NOL11: variants seen among roughly 807,000 people sequenced by gnomAD.
NOL11 encodes the protein nucleolar protein 11.
In NOL11, 42 loss-of-function variants were observed where a neutral mutation model predicts 93.0. That is an observed-to-expected ratio of 0.45 (90% CI 0.35 to 0.58). The LOEUF (loss-of-function observed/expected upper bound fraction) is 0.58. Ranked by LOEUF, NOL11 falls within the 20% of genes least tolerant of loss-of-function variation. The pLI is 0.00. For missense variants in NOL11, 775 were observed against 841.8 expected, an observed-to-expected ratio of 0.92 and a Z score of 0.98; for synonymous variants, 296 against 293.7, an observed-to-expected ratio of 1.01 and a Z score of -0.08.
At position 67,744,415 on chromosome 17, in the gene NOL11, A is replaced by G. The variant is rs1272774637; in HGVS notation, c.*556A>G. On this transcript the variant is annotated 3_prime_UTR_variant, in exon 18 of 18. Coordinates refer to ENST00000253247, the MANE Select transcript of NOL11 (RefSeq NM_015462.5). ...GTGTGATTCTACAGCCCAGCTTTAC[A>G]GAAAGAATCCTGATGGCTGAATTTA... The G allele has an allele frequency of 6.6e-6, 1 of 152,258 alleles. No homozygotes were observed. The highest frequency in any genetic ancestry group is 1.9e-4 in the East Asian group (1 of 5,200). The allele number at this position is 152,258 out of a possible 1,614,324, so 9.4% of individuals were successfully genotyped here.
Position 67,743,498 on chromosome 17 carries a change from T to C in NOL11, c.1955T>C (p.Leu652Pro), listed in dbSNP as rs745547054. 7 of 1,556,618 alleles carry C rather than the reference T, an allele frequency of 4.5e-6. No individual in the cohort carries two copies. In the East Asian group the frequency reaches 1.6e-4, roughly 35 times the overall value. ...TLNQIMDWIC[L>P]LLDANFTVVV... ...CTTCAGATTATGGATTGGATATGTC[T>C]ACTTCTGGATGCAAATTTTACTGTT... The change falls in exon 17 of 18, where the codon CTA (leucine) becomes CCA (proline). Residue 652 changes from leucine to proline, a missense_variant. Transcript: ENST00000253247.
chr17:67,719,564 A>G (rs1298915793), intron 1 of NOL11, 110 bp from the exon 2 acceptor site: 2 of 626,452 alleles, frequency 3.2e-6, no homozygotes, highest in South Asian at 4.2e-5. Flanking sequence ...CGGCCAGTAA[A>G]TTTTTTAAAT....
At chr17:67,742,631 T>C (rs1326154667) in intron 16 of NOL11, among the ~76,000 whole-genome samples, 1 of 152,202 alleles carries the variant, frequency 6.6e-6, no homozygotes, top group Non-Finnish European at 1.5e-5. Context: ...GTTTTATTTC[T>C]TGTGTTTAAC....
chr17:67,719,883 T>A (rs201890216), intron 2 of NOL11, 23 bp from the exon 3 acceptor site: 82 of 1,548,916 alleles, frequency 5.3e-5, no homozygotes, highest in East Asian at 3.6e-4. Flanking sequence ...GGATAGTTTT[T>A]AACTAGTATG....
chr17:67,719,633 A>G, intron 1 of NOL11, 41 bp from the exon 2 acceptor site: 1 of 1,009,962 alleles, frequency 9.9e-7, no homozygotes, highest in South Asian at 1.4e-5. Flanking sequence ...TAATGTTTGA[A>G]GTTGACTTCT....
chr17:67,741,550 T>TA (rs1555594877), intron 16 of NOL11, among the ~76,000 whole-genome samples: 1 of 151,778 alleles, frequency 6.6e-6, no homozygotes, highest in African/African-American at 2.4e-5. Context: ...AGTGGTTATT[T>TA]TTTATTTATT....
At chr17:67,735,242 T>A (rs1390753570) in intron 8 of NOL11, among the ~76,000 whole-genome samples, 1 of 152,198 alleles carries the variant, frequency 6.6e-6, no homozygotes, top group Non-Finnish European at 1.5e-5. Context: ...AGTGAATGAA[T>A]ATTCATATAC....
intron 6 of NOL11, among the ~76,000 whole-genome samples, chr17:67,726,170 A>G (rs2055090178): frequency 6.6e-6 from 1 of 152,220 alleles, no homozygotes; most frequent in Non-Finnish European, 1.5e-5. Flanking sequence ...TAGGGACTAG[A>G]TGATCTATAT....
rs765078408 is a variant in NOL11 at position 67,721,366 on chromosome 17, A to G, written c.313-12A>G. ...TTTAGAATAAAAATTAAAATTTTTTATGTTCTTCCAGTTGTCAGCAGAAGT... is the reference window on the plus strand; with the variant it reads ...TTTAGAATAAAAATTAAAATTTTTTGTGTTCTTCCAGTTGTCAGCAGAAGT... On this transcript the variant is annotated splice_polypyrimidine_tract_variant and intron_variant, in intron 3 of 17. Transcript: ENST00000253247. 4.0e-6 allele frequency: 6 copies of G among 1,501,736 alleles called. No individual in the cohort carries two copies. Among genetic ancestry groups the G allele is most frequent in the Non-Finnish European group, 4.4e-6 (5 of 1,125,986 alleles). The allele number at this position is 1,501,736 out of a possible 1,614,324, so 93.0% of individuals were successfully genotyped here.
intron 12 of NOL11, 62 bp downstream of exon 12, chr17:67,737,754 T>C: frequency 6.3e-7 from 1 of 1,583,494 alleles, no homozygotes; most frequent in Non-Finnish European, 8.6e-7. Context: ...TTTTTATAGT[T>C]CTAATCTTCT....
At chr17:67,733,874 C>T (rs990514132) in intron 7 of NOL11, among the ~76,000 whole-genome samples, 4 of 151,970 alleles carry the variant, frequency 2.6e-5, no homozygotes, top group Admixed American at 1.3e-4. Context: ...TAATATTTCC[C>T]GTTGGATTTG....
In NOL11 at chr17:67,737,990, G is replaced by C. The variant is rs368675605; in HGVS notation, c.1529+18G>C. The C allele has an allele frequency of 4.1e-4, 645 of 1,589,688 alleles. 1 individual carries two copies. The highest frequency in any genetic ancestry group is 4.8e-4 in the Non-Finnish European group (560 of 1,172,380). On this transcript the variant is annotated intron_variant, in intron 13 of 17. Transcript: ENST00000253247. ...TTCTTGAGGTAAGTTAGACTCCAATGGTCCTTTTTCTTCACTACATTTATA... is the reference window on the plus strand; with the variant it reads ...TTCTTGAGGTAAGTTAGACTCCAATCGTCCTTTTTCTTCACTACATTTATA...
Position 67,736,043 on chromosome 17 carries a change from TGTTTTATTAATACAAACC to T in NOL11, c.1054+31_1054+48del. 6.3e-7 allele frequency: 1 copy of T among 1,597,986 alleles called. No homozygotes were observed. Among genetic ancestry groups the T allele is most frequent in the Non-Finnish European group, 8.5e-7 (1 of 1,173,888 alleles). On this transcript the variant is annotated intron_variant, in intron 9 of 17. Coordinates refer to ENST00000253247, the MANE Select transcript of NOL11 (RefSeq NM_015462.5). ...ATCCAGGTAGAAACTTACTTCTGTT[TGTTTTATTAATACAAACC>T]GTTTTATTAACTTGTAGTTTCGTAC... is the stretch of plus-strand genomic sequence containing the variant.
At chr17:67,739,454 G>A in intron 15 of NOL11, 62 bp from the exon 16 acceptor site, 1 of 1,001,828 alleles carries the variant, frequency 1.0e-6, no homozygotes. Context: ...TTCGTGATGG[G>A]TTTATATAAT....
intron 7 of NOL11, 184 bp downstream of exon 7, chr17:67,726,832 G>A: frequency 2.1e-6 from 1 of 472,888 alleles, no homozygotes; most frequent in Non-Finnish European, 3.7e-6. Context: ...ATTTTGCATT[G>A]ATCTTTCAAA....
chr17:67,722,693 A>T, intron 5 of NOL11, 56 bp downstream of exon 5: 1 of 1,523,556 alleles, frequency 6.6e-7, no homozygotes, highest in East Asian at 2.4e-5. Flanking sequence ...AAAAAAAAAA[A>T]ATTTATTTAG....
intron 1 of NOL11, 32 bp from the exon 2 acceptor site, chr17:67,719,642 C>T (rs1041388451): frequency 8.9e-7 from 1 of 1,117,430 alleles, no homozygotes; most frequent in Non-Finnish European, 1.3e-6. Context: ...AAGTTGACTT[C>T]TTGAATATTG....
chr17:67,740,177 GTGAGC>G (rs1428667523), intron 16 of NOL11, among the ~76,000 whole-genome samples: 3 of 151,872 alleles, frequency 2.0e-5, no homozygotes, highest in African/African-American at 7.3e-5. Context: ...GGACGTTGCA[GTGAGC>G]TGAGATCGCG....
intron 14 of NOL11, 69 bp downstream of exon 14, chr17:67,738,424 A>G: frequency 2.1e-6 from 2 of 933,068 alleles, no homozygotes; most frequent in South Asian, 3.1e-5. Flanking sequence ...AGCAGTAACC[A>G]AGGAGTAACT....
Sources: allele counts gnomAD v4.1 joint callset (sites outside exome capture counted in the v4.1 genomes callset), GRCh38; gene constraint gnomAD v4.1.1; transcripts MANE v1.5; gene names NCBI Gene and HGNC (gene_info 2026-07-23, HGNC 2026-07-21).